Variants in ASAP3 observed in about 807,000 individuals in gnomAD.
The protein encoded by ASAP3 is arf-GAP with SH3 domain, ANK repeat and PH domain-containing protein 3.
Under a neutral mutation model 118.2 loss-of-function variants are expected in ASAP3, and 85 were observed. The ratio of observed to expected loss-of-function variants is 0.72; its 90% CI spans 0.60 to 0.86. The LOEUF is 0.86. Among genes scored for constraint, ASAP3 ranks in the 40% least tolerant of loss-of-function variants. The pLI is 0.00. For synonymous variants in ASAP3, 432 were observed against 477.4 expected (o/e 0.90, Z 1.24); for missense variants, 1,026 against 1,175.0 (o/e 0.87, Z 1.85).
intron 1 of ASAP3, chr1:23,480,153 C>T (rs980042985): frequency 1.6e-4 from 24 of 152,156 alleles, no homozygotes; most frequent in Admixed American, 7.2e-4. Context: ...CAGAGTGAGA[C>T]CCTGTCTCAA....
Position 23,436,433 on chromosome 1 carries a change from G to T in ASAP3, c.1571+127C>A, listed in dbSNP as rs1640656685. 2 of 1,033,232 alleles carry T rather than the reference G, an allele frequency of 1.9e-6. No individual in the cohort carries two copies. The highest frequency in any genetic ancestry group is 5.0e-5 in the East Asian group (2 of 39,654). The allele number at this position is 1,033,232 out of a possible 1,614,324, so 64.0% of individuals were successfully genotyped here. On this transcript the variant is annotated intron_variant, in intron 16 of 24. Coordinates refer to ENST00000336689, the MANE Select transcript of ASAP3 (RefSeq NM_017707.4). This position sits in a 1 kb window ranked among gnomAD's most constrained non-coding sequence, Gnocchi z 4.2. The stretch of plus-strand genomic sequence containing the variant: ...CCGCCTTGGCCTCCCAAAGTGCTGG[G>T]ATTACAGGCGTGAGCCACTGCGCCC...
At chr1:23,453,651 A>G (rs1323635013) in intron 3 of ASAP3, among the ~76,000 whole-genome samples, 1 of 152,130 alleles carries the variant, frequency 6.6e-6, no homozygotes, top group Non-Finnish European at 1.5e-5. Context: ...AAAGAGGCCT[A>G]ATATTTCAAC....
At chr1:23,465,781 C>T (rs1641748746) in intron 1 of ASAP3, among the ~76,000 whole-genome samples, 1 of 152,146 alleles carries the variant, frequency 6.6e-6, no homozygotes, top group Non-Finnish European at 1.5e-5. Flanking sequence ...GGATTACAGA[C>T]ATGAGCCACT....
intron 5 of ASAP3, among the ~76,000 whole-genome samples, chr1:23,446,583 G>A (rs1423293881): frequency 1.3e-5 from 2 of 151,748 alleles, no homozygotes; most frequent in African/African-American, 2.4e-5. Flanking sequence ...GATTACAGGC[G>A]CCCACAACCA....
In ASAP3 at chr1:23,442,488, G is replaced by T. The variant is rs1421237537; in HGVS notation, c.585+13C>A. 4 of 1,611,870 alleles carry T rather than the reference G, an allele frequency of 2.5e-6. No individual in the cohort carries two copies. In the East Asian group the frequency reaches 8.9e-5, roughly 36 times the overall value. ...TCCCACGCCCCCCCTCCCTCATCCAGAGCACCCCTTACCTCACACATGTGC... is the reference window on the plus strand; with the variant it reads ...TCCCACGCCCCCCCTCCCTCATCCATAGCACCCCTTACCTCACACATGTGC... On this transcript the variant is annotated intron_variant, in intron 6 of 24. Transcript: ENST00000336689.
rs10664798 is a variant in ASAP3 at position 23,473,974 on chromosome 1, C to CTTTTT, written c.129+10026_129+10030dup. ...AGGCGAAAATGGCATTAAATCTGCT[C>CTTTTT]TTTTTTTTTTTTTTTTTTTTTTTTG... is the stretch of plus-strand genomic sequence containing the variant. On this transcript the variant is annotated intron_variant, in intron 1 of 24. Coordinates refer to ENST00000336689, the MANE Select transcript of ASAP3 (RefSeq NM_017707.4). Among the ~76,000 whole-genome samples the CTTTTT allele has an allele frequency of 3.0e-3, 219 of 72,092 alleles. 10 individuals are homozygous for CTTTTT. Among genetic ancestry groups the CTTTTT allele is most frequent in the Admixed American group, 6.2e-3 (28 of 4,526 alleles). 47.3% of individuals were successfully genotyped at this position (72,092 alleles called of 152,430 possible).
intron 5 of ASAP3, among the ~76,000 whole-genome samples, chr1:23,445,895 T>C (rs756416714): frequency 9.9e-5 from 15 of 151,640 alleles, no homozygotes; most frequent in Non-Finnish European, 1.8e-4. Flanking sequence ...GGTAGGAGGA[T>C]CACTTGAGCC....
At chr1:23,475,495 G>A (rs1642099320) in intron 1 of ASAP3, among the ~76,000 whole-genome samples, 1 of 152,156 alleles carries the variant, frequency 6.6e-6, no homozygotes, top group Non-Finnish European at 1.5e-5. Flanking sequence ...TACCACCACT[G>A]AATCATACTC....
intron 24 of ASAP3, among the ~76,000 whole-genome samples, chr1:23,430,687 C>A (rs1172579610): frequency 6.6e-6 from 1 of 152,218 alleles, no homozygotes; most frequent in East Asian, 1.9e-4. Flanking sequence ...AGAGCTTGGG[C>A]CTCATGATCA....
At chr1:23,469,599 G>A (rs574760547) in intron 1 of ASAP3, among the ~76,000 whole-genome samples, 1 of 152,298 alleles carries the variant, frequency 6.6e-6, no homozygotes, top group South Asian at 2.1e-4. Flanking sequence ...TCACCCAACA[G>A]GAAGGACTCC....
intron 24 of ASAP3, among the ~76,000 whole-genome samples, chr1:23,430,825 A>G (rs375301718): frequency 1.5e-4 from 23 of 152,246 alleles, no homozygotes; most frequent in Admixed American, 1.2e-3. Context: ...GGGACTGGCC[A>G]AACCGTGGCC....
intron 9 of ASAP3, 69 bp downstream of exon 9, chr1:23,441,318 C>T (rs1640865930): frequency 1.2e-6 from 2 of 1,606,208 alleles, no homozygotes; most frequent in Admixed American, 1.7e-5. Flanking sequence ...TGTGGGTCTT[C>T]CTTCTCTCCC....
chr1:23,439,113 G>A, intron 11 of ASAP3, 48 bp downstream of exon 11: 2 of 1,592,848 alleles, frequency 1.3e-6, no homozygotes, highest in Admixed American at 1.7e-5. Flanking sequence ...AACACCAGAA[G>A]AAGAGGGTCC....
chr1:23,456,204 A>C lies in ASAP3; in HGVS notation c.130-10T>G. On this transcript the variant is annotated splice_polypyrimidine_tract_variant and intron_variant, in intron 1 of 24. Transcript: ENST00000336689. The stretch of plus-strand genomic sequence containing the variant: ...GGTCTCCTTCCAAGATCTGGAAGCA[A>C]ATGTGGACAGAGGTTCAGGGATGCC... 6.2e-7 allele frequency: 1 copy of C among 1,613,590 alleles called. No individual in the cohort carries two copies. Among genetic ancestry groups the C allele is most frequent in the Non-Finnish European group, 8.5e-7 (1 of 1,179,662 alleles).
Position 23,433,656 on chromosome 1 carries a change from C to T in ASAP3, c.1989G>A (p.Arg663=), listed in dbSNP as rs1480226209. 1.2e-6 allele frequency: 2 copies of T among 1,614,238 alleles called. No individual in the cohort carries two copies. Among genetic ancestry groups the T allele is most frequent in the Non-Finnish European group, 1.7e-6 (2 of 1,180,048 alleles). ...EAGETALDIA[R]KKHHKECEEL... is the part of the protein sequence containing the mutation. The stretch of plus-strand genomic sequence containing the variant: ...CCTCACACTCCTTGTGGTGCTTCTT[C>T]CTGGCTATGTCCAGAGCTGTCTCGC... Residue 663 remains arginine (R), a synonymous_variant, in exon 20 of 25, where the codon AGG becomes AGA. Transcript: ENST00000336689.
chr1:23,463,342 A>G (rs1641657127), intron 1 of ASAP3, among the ~76,000 whole-genome samples: 1 of 142,870 alleles, frequency 7.0e-6, no homozygotes, highest in Non-Finnish European at 1.5e-5. Flanking sequence ...TAGGGCTCAA[A>G]GATTTAAGCT....
At chr1:23,441,328 C>G in intron 9 of ASAP3, 59 bp downstream of exon 9, 4 of 1,607,532 alleles carry the variant, frequency 2.5e-6, no homozygotes, top group Non-Finnish European at 3.4e-6. Context: ...CCTTCTCTCC[C>G]TCCCTCCACG....
intron 1 of ASAP3, among the ~76,000 whole-genome samples, chr1:23,472,430 G>A (rs957287889): frequency 2.6e-5 from 4 of 152,094 alleles, no homozygotes; most frequent in Non-Finnish European, 4.4e-5. Flanking sequence ...CCACCTTGGC[G>A]TCCCACAGTG....
intron 5 of ASAP3, among the ~76,000 whole-genome samples, chr1:23,450,171 G>A (rs1390576225): frequency 6.6e-6 from 1 of 152,248 alleles, no homozygotes; most frequent in Non-Finnish European, 1.5e-5. Context: ...CAGACTTGGA[G>A]CGGTGCCATG....
Sources: gnomAD v4.1 joint callset for allele counts (sites outside exome capture counted in the v4.1 genomes callset) on GRCh38, gnomAD v4.1.1 for gene constraint, Gnocchi (gnomAD v3.1) non-coding constraint, MANE v1.5 for transcripts, NCBI Gene and HGNC (gene_info 2026-07-23, HGNC 2026-07-21) for gene names.